Variants in ACACA observed in about 807,000 individuals in gnomAD.
ACACA encodes acetyl-CoA carboxylase alpha.
ACACA carries 103 observed loss-of-function variants against 296.1 expected under a neutral mutation model. The ratio of observed to expected loss-of-function variants is 0.35; its 90% CI spans 0.30 to 0.41. The LOEUF is 0.41. Among genes scored for constraint, ACACA ranks in the 10% least tolerant of loss-of-function variants. ACACA has a pLI of 1.00. For missense variants in ACACA, 1,554 were observed against 2,989.7 expected (o/e 0.52, Z 11.20); for synonymous variants, 953 against 1,038.6 (o/e 0.92, Z 1.58).
At chr17:37,331,729 A>G (rs1272656605) in intron 2 of ACACA, among the ~76,000 whole-genome samples, 3 of 151,798 alleles carry the variant, frequency 2.0e-5, no homozygotes, top group Non-Finnish European at 4.4e-5. Flanking sequence ...TTTTGTAGAA[A>G]TGGGGACTCC....
chr17:37,278,974 C>T (rs2082388487), intron 5 of ACACA, among the ~76,000 whole-genome samples: 1 of 152,134 alleles, frequency 6.6e-6, no homozygotes, highest in Non-Finnish European at 1.5e-5. Flanking sequence ...ATCAACCCAT[C>T]ACCTAGGTAT....
intron 2 of ACACA, among the ~76,000 whole-genome samples, chr17:37,331,485 T>G (rs1272756902): frequency 1.3e-5 from 2 of 151,888 alleles, no homozygotes; most frequent in African/African-American, 4.8e-5. Flanking sequence ...CTCAGCTCAC[T>G]GCAACCTCCG....
chr17:37,379,213 C>G, intron 1 of ACACA: 2 of 1,614,022 alleles, frequency 1.2e-6, no homozygotes, highest in Non-Finnish European at 1.7e-6. Flanking sequence ...TTGGCTCTGA[C>G]AGCAAAGTAA....
rs1189193698 is a variant in ACACA at position 37,390,304 on chromosome 17, TTATATATATA to T, written c.38+15948_38+15957del. 3.4e-3 allele frequency among the ~76,000 whole-genome samples: 62 copies of T among 17,976 alleles called. 12 individuals are homozygous for T. Among genetic ancestry groups the T allele is most frequent in the African/African-American group, 0.023 (60 of 2,620 alleles). 11.8% of individuals were successfully genotyped at this position (17,976 alleles called of 152,430 possible). Reference sequence around the variant, plus strand: ...ATATATAATTATATATTATACATAATTATATATATATATATATATATATATATATAAAAGG... The same window carrying T: ...ATATATAATTATATATTATACATAATTATATATATATATATATATAAAAGG... On this transcript the variant is annotated intron_variant, in intron 1 of 55. Transcript: ENST00000616317.
chr17:37,320,666 G>C lies in ACACA; in HGVS notation c.338+9507C>G, dbSNP rs150685236. On this transcript the variant is annotated intron_variant, in intron 3 of 55. Coordinates refer to ENST00000616317, the MANE Select transcript of ACACA (RefSeq NM_198834.3). ...CCCATCCATAAATTGTGGGCAATAG[G>C]CCAGGCACGGTGGCTCCTGCCTGTA... Among the ~76,000 whole-genome samples, 11 of 152,028 alleles carry C rather than the reference G, an allele frequency of 7.2e-5. No individual in the cohort carries two copies. The East Asian group carries it at 1.9e-3, about 27-fold the overall frequency.
chr17:37,198,996 T>C (rs1295935362), intron 35 of ACACA, among the ~76,000 whole-genome samples: 3 of 152,090 alleles, frequency 2.0e-5, no homozygotes, highest in Non-Finnish European at 2.9e-5. Context: ...TCTCAGCACT[T>C]TGGGAGGCTG....
At chr17:37,233,319 C>T (rs1054730323) in intron 25 of ACACA, among the ~76,000 whole-genome samples, 10 of 152,216 alleles carry the variant, frequency 6.6e-5, no homozygotes, top group African/African-American at 2.4e-4. Flanking sequence ...GGAAATATGG[C>T]TCCGTGTTCC....
chr17:37,107,953 G>A (rs1403342393), intron 52 of ACACA, among the ~76,000 whole-genome samples: 1 of 152,226 alleles, frequency 6.6e-6, no homozygotes, highest in African/African-American at 2.4e-5. Context: ...TTGTGAGGCA[G>A]TAGAAGGATG....
chr17:37,388,883 T>A, intron 1 of ACACA: 1 of 1,499,040 alleles, frequency 6.7e-7, no homozygotes, highest in Non-Finnish European at 9.1e-7. Flanking sequence ...GAGAAAAGCA[T>A]AGACTTTGGA....
intron 27 of ACACA, among the ~76,000 whole-genome samples, chr17:37,224,700 C>T (rs559304298): frequency 5.3e-4 from 81 of 151,760 alleles, no homozygotes; most frequent in Non-Finnish European, 9.4e-4. Flanking sequence ...TCATTTAATT[C>T]TGGCCTAGAA....
intron 50 of ACACA, among the ~76,000 whole-genome samples, chr17:37,116,750 T>C (rs773363887): frequency 4.6e-5 from 7 of 152,192 alleles, no homozygotes; most frequent in Non-Finnish European, 8.8e-5. Flanking sequence ...AAAGGCAGGT[T>C]GAAACACTTG....
At chr17:37,223,491 C>T (rs1384535425) in intron 28 of ACACA, 21 bp downstream of exon 28, 1 of 1,541,922 alleles carries the variant, frequency 6.5e-7, no homozygotes. Flanking sequence ...AAGGTCATGT[C>T]CCATTACCAT....
intron 26 of ACACA, among the ~76,000 whole-genome samples, chr17:37,225,735 T>C (rs2079516148): frequency 6.6e-6 from 1 of 152,132 alleles, no homozygotes; most frequent in Non-Finnish European, 1.5e-5. Flanking sequence ...GATACAATTG[T>C]AGAGAAAGCA....
Position 37,097,093 on chromosome 17 carries a change from A to C in ACACA, c.6794T>G (p.Val2265Gly). 2 of 1,614,034 alleles carry C rather than the reference A, an allele frequency of 1.2e-6. No individual in the cohort carries two copies. The highest frequency in any genetic ancestry group is 1.7e-6 in the Non-Finnish European group (2 of 1,180,006). ...RLRRLLLEDLVKKKIHNANPE... is the reference protein window; with the variant it reads ...RLRRLLLEDLGKKKIHNANPE... ...GTTGGCATTGTGGATTTTCTTCTTG[A>C]CCAGGTCCTCCAGCAGAAGACGCCT... Residue 2265 changes from valine (V) to glycine (G), a missense_variant, in exon 54 of 56, where the codon GTC becomes GGC. Coordinates refer to ENST00000616317, the MANE Select transcript of ACACA (RefSeq NM_198834.3). The surrounding 1 kb of genome is among the most constrained non-coding windows in gnomAD (Gnocchi z 4.8).
chr17:37,191,767 TTC>T (rs1437633384), intron 37 of ACACA, among the ~76,000 whole-genome samples: 2 of 151,872 alleles, frequency 1.3e-5, no homozygotes, highest in Non-Finnish European at 2.9e-5. Context: ...CCTGTGATTT[TTC>T]TGTTTGTATG....
chr17:37,085,155 T>C lies in ACACA; in HGVS notation c.*2161A>G, dbSNP rs1351568567. ...CGGTCTCCGTCCAAGCAGGTCTTGGTCAATATCCATCATTTATACTCCTCC... is the reference window on the plus strand; with the variant it reads ...CGGTCTCCGTCCAAGCAGGTCTTGGCCAATATCCATCATTTATACTCCTCC... On this transcript the variant is annotated 3_prime_UTR_variant, in exon 56 of 56. Coordinates refer to ENST00000616317, the MANE Select transcript of ACACA (RefSeq NM_198834.3). 1 of 155,474 alleles carries C rather than the reference T, an allele frequency of 6.4e-6. No homozygotes were observed. Among genetic ancestry groups the C allele is most frequent in the African/African-American group, 2.4e-5 (1 of 41,594 alleles). The allele number at this position is 155,474 out of a possible 1,614,324, so 9.6% of individuals were successfully genotyped here. A position where few individuals can be genotyped will look rare whatever the true frequency, so the allele number is the denominator to read the frequency against.
chr17:37,098,106 T>C, intron 52 of ACACA, 122 bp from the exon 53 acceptor site: 1 of 1,200,258 alleles, frequency 8.3e-7, no homozygotes, highest in Non-Finnish European at 1.2e-6. Flanking sequence ...GTGGCCTGGC[T>C]CTCCGTTGTC....
intron 1 of ACACA, among the ~76,000 whole-genome samples, chr17:37,359,684 G>A (rs993202505): frequency 3.3e-5 from 5 of 152,128 alleles, no homozygotes; most frequent in African/African-American, 1.2e-4. Context: ...GTGCGGGCCC[G>A]TTTGTCTGTT....
Position 37,121,470 on chromosome 17 carries a change from C to T in ACACA, c.6159G>A (p.Gln2053=), listed in dbSNP as rs1416415901. 1 of 1,614,186 alleles carries T rather than the reference C, an allele frequency of 6.2e-7. No individual in the cohort carries two copies. Among genetic ancestry groups the T allele is most frequent in the Admixed American group, 1.7e-5 (1 of 60,028 alleles). ...TAAACGCAGAATCTGGGAACCAAAC[C>T]TGGCCAGCCTGCTGGATTATCTATT... ...SEAKIIQQAG[Q]VWFPDSAFKT... is the part of the protein sequence containing the mutation. Residue 2053 remains glutamine, a synonymous_variant, in exon 50 of 56, where the codon CAG becomes CAA. Coordinates refer to ENST00000616317, the MANE Select transcript of ACACA (RefSeq NM_198834.3).
Sources: gnomAD v4.1 joint callset for allele counts (sites outside exome capture counted in the v4.1 genomes callset) on GRCh38, gnomAD v4.1.1 for gene constraint, Gnocchi (gnomAD v3.1) non-coding constraint, MANE v1.5 for transcripts, NCBI Gene and HGNC (gene_info 2026-07-23, HGNC 2026-07-21) for gene names.